AMT: variants seen among roughly 807,000 people sequenced by gnomAD.
The protein encoded by AMT is aminomethyltransferase, also known as aminomethyltransferase, mitochondrial.
In AMT, 24 loss-of-function variants were observed where a neutral mutation model predicts 39.5. That is an observed-to-expected ratio of 0.61 (90% confidence interval 0.44 to 0.86). The LOEUF is 0.86. Ranked by LOEUF, AMT falls within the 40% of genes least tolerant of loss-of-function variation. The probability of loss-of-function intolerance (pLI) is 0.00; values close to 1 mark genes in which losing one functional copy is unlikely to be tolerated. For synonymous variants in AMT, 210 were observed against 212.1 expected (o/e 0.99, Z 0.09); for missense variants, 501 against 537.0 (o/e 0.93, Z 0.66).
At position 49,419,046 on chromosome 3, in the gene AMT, C is replaced by T. The variant is rs1038225753; in HGVS notation, c.802G>A (p.Ala268Thr). The T allele has an allele frequency of 1.1e-5, 18 of 1,614,016 alleles. No homozygotes were observed. The highest frequency in any genetic ancestry group is 1.5e-5 in the Non-Finnish European group (18 of 1,180,034). ...TCATTCCCATACAGGCAGAGGCCTG[C>T]CTCCAGGCGCAGGCTGTCCCTGGCT... ...LAARDSLRLE[A>T]GLCLYGNDID... is the part of the protein sequence containing the mutation. The change falls in exon 7 of 9, where the codon GCA becomes ACA. Residue 268 changes from alanine (A) to threonine (T), a missense_variant. Ala to Thr is a moderately conservative substitution (Grantham distance 58). Transcript: ENST00000273588.
In AMT at chr3:49,420,234, C is replaced by T. The variant is rs766043386; in HGVS notation, c.448G>A (p.Glu150Lys). 6.2e-6 allele frequency: 10 copies of T among 1,614,216 alleles called. No individual in the cohort carries two copies. Among genetic ancestry groups the T allele is most frequent in the Non-Finnish European group, 8.5e-6 (10 of 1,180,032 alleles). ...LYVVSNAGCW[E>K]KDLALMQDKV... is the part of the protein sequence containing the mutation. ...ACCTGCATGAGGGCCAAATCTTTCTCCCAGCAGCCAGCGTTGGACACCACA... is the reference window on the plus strand; with the variant it reads ...ACCTGCATGAGGGCCAAATCTTTCTTCCAGCAGCCAGCGTTGGACACCACA... The change falls in exon 4 of 9, where the codon GAG (glutamate) becomes AAG (lysine). Residue 150 changes from glutamate (E) to lysine (K), a missense_variant. Coordinates refer to ENST00000273588, the MANE Select transcript of AMT (RefSeq NM_000481.4).
At position 49,418,137 on chromosome 3, in the gene AMT, C is replaced by T. The variant is rs1424627136; in HGVS notation, c.878-164G>A. 7 of 826,316 alleles carry T rather than the reference C, an allele frequency of 8.5e-6. No homozygotes were observed. The East Asian group carries it at 1.6e-4, about 19-fold the overall frequency. The allele number at this position is 826,316 out of a possible 1,614,324, so 51.2% of individuals were successfully genotyped here. ...TCACTGCCGTCAGCCAACCAACCACCTCCTATCCCCTGGAGGCCATGCTGC... is the reference window on the plus strand; with the variant it reads ...TCACTGCCGTCAGCCAACCAACCACTTCCTATCCCCTGGAGGCCATGCTGC... On this transcript the variant is annotated intron_variant, in intron 7 of 8. Coordinates refer to ENST00000273588, the MANE Select transcript of AMT (RefSeq NM_000481.4).
chr3:49,419,427 C>G (rs1192681055), intron 5 of AMT, 22 bp from the exon 6 acceptor site: 5 of 1,612,528 alleles, frequency 3.1e-6, no homozygotes, highest in Non-Finnish European at 4.2e-6. Flanking sequence ...GAGCCAGTGA[C>G]CAAGTATCCA....
chr3:49,421,955 T>A, intron 2 of AMT, 149 bp downstream of exon 2: 1 of 1,107,050 alleles, frequency 9.0e-7, no homozygotes, highest in Non-Finnish European at 1.3e-6. Flanking sequence ...CTTGGGGCCA[T>A]TGACCTATCC....
chr3:49,420,469 G>T, intron 3 of AMT, 127 bp from the exon 4 acceptor site: 1 of 1,423,578 alleles, frequency 7.0e-7, no homozygotes, highest in Non-Finnish European at 9.8e-7. Flanking sequence ...GACTCAGGGT[G>T]TGCAAGGTAC....
Position 49,419,147 on chromosome 3 carries a change from G to C in AMT, c.701C>G (p.Ser234Trp). The C allele has an allele frequency of 6.2e-7, 1 of 1,613,676 alleles. No individual in the cohort carries two copies. Among genetic ancestry groups the C allele is most frequent in the Non-Finnish European group, 8.5e-7 (1 of 1,179,906 alleles). Residue 234 changes from serine (S) to tryptophan (W), a missense_variant, in exon 7 of 9, where the codon TCG becomes TGG. Coordinates refer to ENST00000273588, the MANE Select transcript of AMT (RefSeq NM_000481.4). ...GYTGEDGVEI[S>W]VPVAGAVHLA... The stretch of plus-strand genomic sequence containing the variant: ...GTGAACTGCCCCCGCTACCGGCACC[G>C]AGATCTGTATGAAACACCAGAGGGC...
intron 5 of AMT, 65 bp from the exon 6 acceptor site, chr3:49,419,470 C>T: frequency 5.0e-6 from 8 of 1,590,516 alleles, no homozygotes; most frequent in Non-Finnish European, 6.9e-6. Context: ...GGACTAAAGC[C>T]TTATTCAGGG....
At chr3:49,421,896 TG>T in intron 2 of AMT, 1 of 773,286 alleles carries the variant, frequency 1.3e-6, no homozygotes, top group Non-Finnish European at 2.2e-6. Context: ...CACCATTTAA[TG>T]GGGGCAAGCT....
chr3:49,422,027 A>T (rs1279627100), intron 2 of AMT, 77 bp downstream of exon 2: 1 of 1,600,716 alleles, frequency 6.2e-7, no homozygotes. Flanking sequence ...AGTTCACAGC[A>T]AACAAAGCCA....
At chr3:49,418,183 G>GT in intron 7 of AMT, 1 of 585,768 alleles carries the variant, frequency 1.7e-6, no homozygotes, top group East Asian at 3.0e-5. Context: ...AGCGTCTTCA[G>GT]TTTCTTTTTT....
In AMT at chr3:49,419,314, G is replaced by A. The variant is rs759245586; in HGVS notation, c.642C>T (p.Gly214=). ...FMTSAVMEVF[G]VSGCRVTRCG... The stretch of plus-strand genomic sequence containing the variant: ...AGCGGGTCACGCGGCAGCCAGACAC[G>A]CCAAACACCTCCATCACAGCACTGG... The change falls in exon 6 of 9, where the codon GGC becomes GGT. Residue 214 remains glycine (G), a synonymous_variant. Transcript: ENST00000273588. The A allele has an allele frequency of 1.1e-5, 18 of 1,614,002 alleles. No individual in the cohort carries two copies. The highest frequency in any genetic ancestry group is 6.7e-5 in the Admixed American group (4 of 59,988).
chr3:49,417,238 G>C lies in AMT; in HGVS notation c.*302C>G. 6.3e-7 allele frequency: 1 copy of C among 1,578,284 alleles called. No individual in the cohort carries two copies. Among genetic ancestry groups the C allele is most frequent in the Non-Finnish European group, 8.6e-7 (1 of 1,161,174 alleles). On this transcript the variant is annotated 3_prime_UTR_variant, in exon 9 of 9. Coordinates refer to ENST00000273588, the MANE Select transcript of AMT (RefSeq NM_000481.4). Reference sequence around the variant, plus strand: ...TGCTCCACAGCCAGCACCTGGCAGAGTGGGAGAGATGGCAGAACCAAAGCT... The same window carrying C: ...TGCTCCACAGCCAGCACCTGGCAGACTGGGAGAGATGGCAGAACCAAAGCT...
chr3:49,422,330 C>G (rs1156299532), intron 1 of AMT, 31 bp downstream of exon 1: 3 of 1,613,796 alleles, frequency 1.9e-6, no homozygotes, highest in Non-Finnish European at 2.5e-6. Context: ...TTCCCTCCCC[C>G]ACCCTCCAAG....
At position 49,417,621 on chromosome 3, in the gene AMT, C is replaced by T; in HGVS notation, c.1131G>A (p.Leu377=). 6.2e-7 allele frequency: 1 copy of T among 1,614,212 alleles called. No individual in the cohort carries two copies. The highest frequency in any genetic ancestry group is 8.5e-7 in the Non-Finnish European group (1 of 1,180,044). Residue 377 remains leucine (L), a synonymous_variant, in exon 9 of 9, where the codon CTG becomes CTA. Coordinates refer to ENST00000273588, the MANE Select transcript of AMT (RefSeq NM_000481.4). ...TCTGCTGCTTCCGCCGCACCTCTAC[C>T]AGCAGCATTGTCCCTGGACGACTGT... ...CEYSRPGTML[L]VEVRRKQQMA...
chr3:49,418,308 G>A (rs1473347193), intron 7 of AMT: 5 of 354,710 alleles, frequency 1.4e-5, no homozygotes, highest in African/African-American at 2.1e-5. Context: ...TCAGTCTCCC[G>A]AGTAGCTGGG....
At position 49,417,736 on chromosome 3, in the gene AMT, G is replaced by A; in HGVS notation, c.1034-18C>T. ...CACAGTACCTGTCAAGCAAGCATAAGCCACGCATCAGCACCACCCTGCCAG... is the reference window on the plus strand; with the variant it reads ...CACAGTACCTGTCAAGCAAGCATAAACCACGCATCAGCACCACCCTGCCAG... On this transcript the variant is annotated intron_variant, in intron 8 of 8. Transcript: ENST00000273588. 1.2e-6 allele frequency: 2 copies of A among 1,613,958 alleles called. No homozygotes were observed. The highest frequency in any genetic ancestry group is 1.7e-5 in the Admixed American group (1 of 59,996).
chr3:49,418,611 C>T (rs2049042550), intron 7 of AMT: 3 of 296,848 alleles, frequency 1.0e-5, no homozygotes, highest in South Asian at 6.1e-5. Context: ...ATGCCATTCT[C>T]CTGCCTCAGC....
intron 5 of AMT, 95 bp downstream of exon 5, chr3:49,419,615 C>T (rs752108129): frequency 1.0e-4 from 146 of 1,463,366 alleles, no homozygotes; most frequent in Non-Finnish European, 1.4e-4. Context: ...AATATCACAC[C>T]TTCCACACAT....
At chr3:49,419,176 T>C in intron 6 of AMT, 25 bp from the exon 7 acceptor site, 1 of 1,612,732 alleles carries the variant, frequency 6.2e-7, no homozygotes, top group East Asian at 2.2e-5. Context: ...AGAGGGCAGA[T>C]GGGAAGCTCC....
Sources: gnomAD v4.1 joint callset for allele counts on GRCh38, gnomAD v4.1.1 for gene constraint, MANE v1.5 for transcripts, NCBI Gene and HGNC (gene_info 2026-07-23, HGNC 2026-07-21) for gene names.